The following FSTL4 variants were observed in gnomAD, a reference collection of about 807,000 sequenced individuals.
The protein encoded by FSTL4 is follistatin-related protein 4.
Under a neutral mutation model 78.2 loss-of-function variants are expected in FSTL4, and 28 were observed. That is an observed-to-expected ratio of 0.36 (90% CI 0.27 to 0.49). FSTL4 has a LOEUF of 0.49. Ranked by LOEUF, FSTL4 falls within the 20% of genes least tolerant of loss-of-function variation. The pLI, the probability that FSTL4 is intolerant of heterozygous loss-of-function variation, is 0.98. For missense variants in FSTL4, 922 were observed against 1,084.9 expected (o/e 0.85, Z 2.11); for synonymous variants, 422 against 440.5 (o/e 0.96, Z 0.53).
At chr5:133,490,177 A>T (rs1236684100) in intron 3 of FSTL4, among the ~76,000 whole-genome samples, 1 of 151,548 alleles carries the variant, frequency 6.6e-6, no homozygotes, top group African/African-American at 2.4e-5. Context: ...AAAATGCCGG[A>T]ATGTCCTACA....
chr5:133,466,919 AGTGT>A (rs965688007), intron 3 of FSTL4, among the ~76,000 whole-genome samples: 2 of 147,832 alleles, frequency 1.4e-5, no homozygotes, highest in Admixed American at 6.7e-5. Context: ...TAAGTGTGAG[AGTGT>A]GTGTGAGAAT....
At chr5:133,320,803 T>G (rs879646489) in intron 4 of FSTL4, among the ~76,000 whole-genome samples, 21 of 152,058 alleles carry the variant, frequency 1.4e-4, no homozygotes, top group African/African-American at 4.6e-4. Context: ...GTCAGGAGAT[T>G]GAGACCATCC....
upstream of FSTL4, among the ~76,000 whole-genome samples, chr5:133,614,247 G>A (rs1310084280): frequency 6.6e-6 from 1 of 152,154 alleles, no homozygotes; most frequent in African/African-American, 2.4e-5. Flanking sequence ...AGGACTTTGT[G>A]TATTTTTTGT....
At chr5:133,239,053 G>T (rs1472263538) in intron 7 of FSTL4, among the ~76,000 whole-genome samples, 2 of 152,216 alleles carry the variant, frequency 1.3e-5, no homozygotes, top group East Asian at 1.9e-4. Context: ...TTTCGGGTGG[G>T]CATGGGCTCG....
intron 3 of FSTL4, among the ~76,000 whole-genome samples, chr5:133,417,136 G>A (rs2126984173): frequency 6.6e-6 from 1 of 152,324 alleles, no homozygotes; most frequent in South Asian, 2.1e-4. Context: ...AAGCCATGGG[G>A]CAGTAATGAA....
intron 2 of FSTL4, among the ~76,000 whole-genome samples, chr5:133,594,672 A>G (rs1175760445): frequency 1.3e-5 from 2 of 152,206 alleles, no homozygotes; most frequent in African/African-American, 4.8e-5. Context: ...ATGAAAGCCT[A>G]CTTACCTGGA....
At chr5:133,601,480 A>C (rs1303850981) in intron 2 of FSTL4, among the ~76,000 whole-genome samples, 1 of 152,180 alleles carries the variant, frequency 6.6e-6, no homozygotes, top group Non-Finnish European at 1.5e-5. Flanking sequence ...CTGGGCCCTG[A>C]AGGAGGAGGA....
intron 1 of FSTL4, 28 bp from the exon 2 acceptor site, chr5:133,604,021 A>G (rs1284418220): frequency 4.5e-6 from 7 of 1,538,934 alleles, no homozygotes; most frequent in Non-Finnish European, 6.3e-6. Context: ...AATGCTGAGA[A>G]TAAAACATTA....
intron 4 of FSTL4, among the ~76,000 whole-genome samples, chr5:133,358,421 A>C (rs796989933): frequency 1.7e-4 from 26 of 152,018 alleles, no homozygotes; most frequent in African/African-American, 5.8e-4. Flanking sequence ...CTCCCAGTGA[A>C]TCAAGCAGCA....
chr5:133,805,574 G>T, the FSTL4 span, among the ~76,000 whole-genome samples: 1 of 151,396 alleles, frequency 6.6e-6, no homozygotes, highest in South Asian at 2.1e-4. Context: ...AAAATAAATA[G>T]AAAGAGATCA....
At chr5:133,658,804 T>A in the FSTL4 span, among the ~76,000 whole-genome samples, 3 of 152,184 alleles carry the variant, frequency 2.0e-5, no homozygotes, top group African/African-American at 7.2e-5. Context: ...ATGACTCACA[T>A]AATTTAGCAT....
chr5:133,249,524 C>T lies in FSTL4; in HGVS notation c.780G>A (p.Val260=), dbSNP rs1752149371. 1.2e-6 allele frequency: 2 copies of T among 1,613,624 alleles called. No individual in the cohort carries two copies. The highest frequency in any genetic ancestry group is 8.5e-7 in the Non-Finnish European group (1 of 1,179,784). ...APEDRVSVTT[V]TVGLSTVLTC... ...TCAGCACTGTGCTCAGCCCCACGGT[C>T]ACTGTGGTCACACTGACCCTGTCCT... Residue 260 remains valine, a synonymous_variant, in exon 7 of 16, where the codon GTG becomes GTA. Coordinates refer to ENST00000265342, the MANE Select transcript of FSTL4 (RefSeq NM_015082.2).
At chr5:133,780,818 G>T in the FSTL4 span, among the ~76,000 whole-genome samples, 2 of 152,156 alleles carry the variant, frequency 1.3e-5, no homozygotes, top group Admixed American at 6.5e-5. Context: ...TCACACGGCT[G>T]GTAGGAGATG....
chr5:133,436,438 A>G (rs1431225482), intron 3 of FSTL4, among the ~76,000 whole-genome samples: 1 of 152,144 alleles, frequency 6.6e-6, no homozygotes, highest in East Asian at 1.9e-4. Flanking sequence ...CAAAGAGAAC[A>G]TGGTGTGAGT....
chr5:133,574,420 G>A (rs1018498753), intron 2 of FSTL4, among the ~76,000 whole-genome samples: 2 of 152,170 alleles, frequency 1.3e-5, no homozygotes, highest in African/African-American at 2.4e-5. Flanking sequence ...CTCCTCCCCT[G>A]GAGACAGTAG....
rs1198173974 is a variant in FSTL4 at position 133,511,606 on chromosome 5, C to T, written c.160+55580G>A. The stretch of plus-strand genomic sequence containing the variant: ...CATCCTAAGAGGTGAGCAGAGCCAG[C>T]TGGACAGAACTTTTTGAAAATTTAC... On this transcript the variant is annotated intron_variant, in intron 3 of 15. Coordinates refer to ENST00000265342, the MANE Select transcript of FSTL4 (RefSeq NM_015082.2). Among the ~76,000 whole-genome samples the T allele has an allele frequency of 2.0e-5, 3 of 152,290 alleles. No individual in the cohort carries two copies. In the East Asian group the frequency reaches 5.8e-4, roughly 29 times the overall value.
intron 2 of FSTL4, among the ~76,000 whole-genome samples, chr5:133,592,284 T>A (rs567881790): frequency 6.6e-6 from 1 of 152,354 alleles, no homozygotes; most frequent in South Asian, 2.1e-4. Flanking sequence ...ACCACATTCT[T>A]AAAGCTGTTT....
At chr5:133,291,086 C>A (rs535099919) in intron 6 of FSTL4, among the ~76,000 whole-genome samples, 1 of 152,354 alleles carries the variant, frequency 6.6e-6, no homozygotes, top group South Asian at 2.1e-4. Flanking sequence ...CACTTGGAAG[C>A]ACTTAACAAT....
intron 3 of FSTL4, among the ~76,000 whole-genome samples, chr5:133,457,621 C>T (rs1757517444): frequency 6.6e-6 from 1 of 152,198 alleles, no homozygotes; most frequent in South Asian, 2.1e-4. Context: ...GTTAGCCAGC[C>T]AAGGCAGCGG....
Sources: gnomAD v4.1 joint callset for allele counts (sites outside exome capture counted in the v4.1 genomes callset) on GRCh38, gnomAD v4.1.1 for gene constraint, MANE v1.5 for transcripts, NCBI Gene and HGNC (gene_info 2026-07-23, HGNC 2026-07-21) for gene names.